Variants in ADAMTS17 observed in about 807,000 individuals in gnomAD.
The protein encoded by ADAMTS17 is ADAM metallopeptidase with thrombospondin type 1 motif 17.
ADAMTS17 carries 113 observed loss-of-function variants against 141.5 expected under a neutral mutation model. That is an observed-to-expected ratio of 0.80 (90% CI 0.69 to 0.93). The LOEUF (loss-of-function observed/expected upper bound fraction) is 0.93, where lower values mean the gene tolerates loss of function less well. Among genes scored for constraint, ADAMTS17 ranks in the 40% least tolerant of loss-of-function variants. The probability of loss-of-function intolerance (pLI) is 0.00; values close to 1 mark genes in which losing one functional copy is unlikely to be tolerated. For missense variants in ADAMTS17, 1,659 were observed against 1,517.9 expected, an observed-to-expected ratio of 1.09 and a Z score of -1.54; for synonymous variants, 768 against 630.6, an observed-to-expected ratio of 1.22 and a Z score of -3.27.
chr15:100,317,737 G>A (rs572764060), intron 3 of ADAMTS17, among the ~76,000 whole-genome samples: 53 of 152,320 alleles, frequency 3.5e-4, no homozygotes, highest in African/African-American at 1.3e-3. Context: ...GACTTACGAG[G>A]CATGCATGTG....
intron 7 of ADAMTS17, among the ~76,000 whole-genome samples, chr15:100,199,694 G>A (rs976016606): frequency 4.6e-5 from 7 of 152,174 alleles, no homozygotes; most frequent in African/African-American, 1.7e-4. Flanking sequence ...TAATCCCCGT[G>A]ACCCAGGATG....
At chr15:100,069,322 G>A (rs1021209150) in intron 15 of ADAMTS17, among the ~76,000 whole-genome samples, 4 of 152,206 alleles carry the variant, frequency 2.6e-5, no homozygotes, top group African/African-American at 4.8e-5. Flanking sequence ...ACACTCTGCA[G>A]GATATTATAC....
chr15:100,044,808 T>A (rs1414444858), intron 18 of ADAMTS17, among the ~76,000 whole-genome samples: 1 of 67,234 alleles, frequency 1.5e-5, no homozygotes, highest in Non-Finnish European at 2.7e-5. Flanking sequence ...ATAATTTGGA[T>A]TTTTTTTTTT....
chr15:100,153,583 G>A (rs1297757707), intron 9 of ADAMTS17, among the ~76,000 whole-genome samples: 1 of 152,212 alleles, frequency 6.6e-6, no homozygotes, highest in Non-Finnish European at 1.5e-5. Flanking sequence ...GGCTGAGGTT[G>A]CAGTGAGCCA....
intron 1 of ADAMTS17, 31 bp downstream of exon 1, chr15:100,341,790 G>A: frequency 6.5e-7 from 1 of 1,545,400 alleles, no homozygotes. Flanking sequence ...GCAGGACGCG[G>A]GGTGAAGAGG....
chr15:100,160,781 C>G (rs1047165796), intron 8 of ADAMTS17, among the ~76,000 whole-genome samples: 2 of 152,170 alleles, frequency 1.3e-5, no homozygotes, highest in African/African-American at 4.8e-5. Context: ...ATATAGATCA[C>G]GCTTGATCTC....
At position 100,169,139 on chromosome 15, in the gene ADAMTS17, C is replaced by G. The variant is rs765000304; in HGVS notation, c.1182-13819G>C. Among the ~76,000 whole-genome samples, 3 of 152,160 alleles carry G rather than the reference C, an allele frequency of 2.0e-5. No individual in the cohort carries two copies. In the South Asian group the frequency reaches 6.2e-4, roughly 32 times the overall value. On this transcript the variant is annotated intron_variant, in intron 8 of 21. Transcript: ENST00000268070. ...TTGCTACTCATTCAGGTCAGAGCCT[C>G]GGGAAGCCCAAGGCATTCAGAGAAC...
At chr15:100,005,849 C>A (rs1342654776) in intron 18 of ADAMTS17, among the ~76,000 whole-genome samples, 1 of 152,070 alleles carries the variant, frequency 6.6e-6, no homozygotes, top group South Asian at 2.1e-4. Context: ...TGTGGCTGGT[C>A]CTCCCAAGGG....
At chr15:100,186,493 T>G (rs962621456) in intron 8 of ADAMTS17, among the ~76,000 whole-genome samples, 1 of 152,196 alleles carries the variant, frequency 6.6e-6, no homozygotes, top group African/African-American at 2.4e-5. Flanking sequence ...CCCTTTTCCC[T>G]CCCATCTTGG....
chr15:99,984,903 C>T (rs147998482), intron 20 of ADAMTS17, among the ~76,000 whole-genome samples: 51 of 152,348 alleles, frequency 3.3e-4, no homozygotes, highest in East Asian at 3.9e-4. Flanking sequence ...CCTGCAAAGG[C>T]GGCTGGTTTG....
intron 13 of ADAMTS17, among the ~76,000 whole-genome samples, chr15:100,111,593 C>T (rs995522153): frequency 6.6e-6 from 1 of 152,270 alleles, no homozygotes; most frequent in Non-Finnish European, 1.5e-5. Context: ...GCTGCCTCTA[C>T]TGTTTCGTTG....
At chr15:100,082,634 C>G (rs1450976339) in intron 15 of ADAMTS17, among the ~76,000 whole-genome samples, 2 of 151,896 alleles carry the variant, frequency 1.3e-5, no homozygotes, top group African/African-American at 2.4e-5. Context: ...TTTTTGAGAT[C>G]TCTTTTTTGT....
chr15:100,339,781 TATCATACCCTA>T lies in ADAMTS17; in HGVS notation c.450+1247_450+1257del, dbSNP rs1191474171. 1.7e-4 allele frequency among the ~76,000 whole-genome samples: 26 copies of T among 152,328 alleles called. 2 individuals carry two copies. The highest frequency in any genetic ancestry group is 6.0e-4 in the African/African-American group (25 of 41,574). ...TATTTTTCCCAGCTGAGCAAAAGTC[TATCATACCCTA>T]ATCAGAACTCAGAAAATTCCTGAAA... On this transcript the variant is annotated intron_variant, in intron 2 of 21. Coordinates refer to ENST00000268070, the MANE Select transcript of ADAMTS17 (RefSeq NM_139057.4).
At chr15:100,278,589 C>G (rs1026963019) in intron 4 of ADAMTS17, among the ~76,000 whole-genome samples, 1 of 152,110 alleles carries the variant, frequency 6.6e-6, no homozygotes, top group African/African-American at 2.4e-5. Context: ...TGAGTGCTGC[C>G]GAAGCAGCCT....
At position 99,976,136 on chromosome 15, in the gene ADAMTS17, G is replaced by A. The variant is rs768389595; in HGVS notation, c.3036C>T (p.Pro1012=). The A allele has an allele frequency of 6.4e-6, 10 of 1,550,868 alleles. No homozygotes were observed. The highest frequency in any genetic ancestry group is 2.7e-5 in the African/African-American group (2 of 73,054). Residue 1012 remains proline (P), a synonymous_variant, in exon 21 of 22, where the codon CCC becomes CCT. Transcript: ENST00000268070. ...TGTAGGGGGCAGGCTTCGAGAGGGCGGGGCACTCGCTGCCGTGGCGCCCTG... is the reference window on the plus strand; with the variant it reads ...TGTAGGGGGCAGGCTTCGAGAGGGCAGGGCACTCGCTGCCGTGGCGCCCTG... ...KVTGRHGSEC[P]ALSKPAPYRQ...
intron 14 of ADAMTS17, among the ~76,000 whole-genome samples, chr15:100,105,820 T>A (rs371296660): frequency 6.6e-6 from 1 of 152,122 alleles, no homozygotes; most frequent in African/African-American, 2.4e-5. Flanking sequence ...CCTGAGTAGC[T>A]GGGATTACAG....
chr15:100,212,352 A>C (rs2041836922), intron 7 of ADAMTS17, among the ~76,000 whole-genome samples: 1 of 152,194 alleles, frequency 6.6e-6, no homozygotes, highest in Admixed American at 6.5e-5. Context: ...AACGCATTCC[A>C]GGGAAGACAG....
Position 99,997,574 on chromosome 15 carries a change from C to A in ADAMTS17, c.2607G>T (p.Pro869=). 2 of 1,612,422 alleles carry A rather than the reference C, an allele frequency of 1.2e-6. No homozygotes were observed. The highest frequency in any genetic ancestry group is 2.2e-5 in the South Asian group (2 of 91,060). ...HPCQSRWVAG[P]WSPCSATCEK... is the part of the protein sequence containing the mutation. ...CACAGGTCGCCGAGCAGGGGCTCCA[C>A]GGGCCTGCCACCCACCTGCCAGACG... The change falls in exon 19 of 22, where the codon CCG becomes CCT. Residue 869 remains proline (P), a synonymous_variant. Transcript: ENST00000268070. The surrounding 1 kb of genome is among the most constrained non-coding windows in gnomAD (Gnocchi z 4.7).
chr15:100,250,778 G>C (rs1010847821), intron 7 of ADAMTS17, among the ~76,000 whole-genome samples: 1 of 152,324 alleles, frequency 6.6e-6, no homozygotes, highest in Middle Eastern at 3.4e-3. Context: ...TCCTGGTTCT[G>C]AGAGGGTACT....
Sources: allele counts gnomAD v4.1 joint callset (sites outside exome capture counted in the v4.1 genomes callset), GRCh38; gene constraint gnomAD v4.1.1; non-coding constraint Gnocchi (gnomAD v3.1); transcripts MANE v1.5; gene names NCBI Gene and HGNC (gene_info 2026-07-23, HGNC 2026-07-21).